The following SET variants were observed in gnomAD, a reference collection of about 807,000 sequenced individuals.
SET encodes the protein protein SET.
In SET, 4 loss-of-function variants were observed where a neutral mutation model predicts 39.0. That is an observed-to-expected ratio of 0.10 (90% confidence interval 0.05 to 0.23). The LOEUF (loss-of-function observed/expected upper bound fraction) is 0.23, where lower values mean the gene tolerates loss of function less well. SET is among the 10% of genes least tolerant of loss of function. SET has a pLI of 1.00. For synonymous variants in SET, 114 were observed against 115.9 expected (o/e 0.98, Z 0.11); for missense variants, 137 against 329.7 (o/e 0.42, Z 4.53).
At chr9:128,691,318 T>C (rs374147207) in intron 2 of SET, 91 bp downstream of exon 2, 5 of 797,984 alleles carry the variant, frequency 6.3e-6, no homozygotes, top group African/African-American at 3.5e-5. Context: ...ATCTATCCAC[T>C]GTCAAAGGGG....
At chr9:128,689,959 G>T (rs1861458628) in intron 1 of SET, 1 of 208,248 alleles carries the variant, frequency 4.8e-6, no homozygotes, top group Non-Finnish European at 6.6e-6. Flanking sequence ...CCTCCCTCCC[G>T]AGAAGCCTCT....
At position 128,696,040 on chromosome 9, in the gene SET, A is replaced by G. The variant is rs552676983; in HGVS notation, c.*1376A>G. 2.2e-5 allele frequency: 5 copies of G among 224,688 alleles called. No individual in the cohort carries two copies. The highest frequency in any genetic ancestry group is 1.1e-4 in the African/African-American group (5 of 45,160). The allele number at this position is 224,688 out of a possible 1,614,324, so 13.9% of individuals were successfully genotyped here. A position where few individuals can be genotyped will look rare whatever the true frequency, so the allele number is the denominator to read the frequency against. On this transcript the variant is annotated 3_prime_UTR_variant, in exon 8 of 8. Coordinates refer to ENST00000322030, the MANE Select transcript of SET (RefSeq NM_003011.4). ...TAACTGTCCCTGCTTTCTGGTATAA[A>G]GCTCTCAAATGTGACCATGTGAATC...
intron 1 of SET, 54 bp downstream of exon 1, chr9:128,689,709 C>A: frequency 2.1e-6 from 1 of 468,796 alleles, no homozygotes; most frequent in Non-Finnish European, 2.8e-6. Context: ...GCCGCCCGCC[C>A]CGGCCCGCAG....
Position 128,696,193 on chromosome 9 carries a change from T to C in SET, c.*1529T>C, listed in dbSNP as rs1861733259. Reference sequence around the variant, plus strand: ...TAAATGCCACTTTTTCAGAGGTGAATTAATGGACAGTCTGGTGAACTTCAA... The same window carrying C: ...TAAATGCCACTTTTTCAGAGGTGAACTAATGGACAGTCTGGTGAACTTCAA... On this transcript the variant is annotated 3_prime_UTR_variant, in exon 8 of 8. Coordinates refer to ENST00000322030, the MANE Select transcript of SET (RefSeq NM_003011.4). The C allele has an allele frequency of 9.5e-6, 2 of 209,766 alleles. No homozygotes were observed. The highest frequency in any genetic ancestry group is 4.5e-5 in the African/African-American group (2 of 44,274). 13.0% of individuals were successfully genotyped at this position (209,766 alleles called of 1,614,324 possible).
chr9:128,694,734 CTTTTT>C lies in SET; in HGVS notation c.*90_*94del, dbSNP rs35778650. ...CCAGTCCCTGGGAGCAAGTTGCAGTCTTTTTTTTTTTTTTTTTTTTTTTTCCCTCT... is the reference window on the plus strand; with the variant it reads ...CCAGTCCCTGGGAGCAAGTTGCAGTCTTTTTTTTTTTTTTTTTTTCCCTCT... On this transcript the variant is annotated 3_prime_UTR_variant, in exon 8 of 8. Transcript: ENST00000322030. 9.1e-3 allele frequency: 2,729 copies of C among 301,318 alleles called. No homozygotes were observed. The highest frequency in any genetic ancestry group is 0.01 in the Non-Finnish European group (1,852 of 185,176). The allele number at this position is 301,318 out of a possible 1,614,324, so 18.7% of individuals were successfully genotyped here.
At chr9:128,685,717 G>A (rs544535254), upstream of SET, among the ~76,000 whole-genome samples, 17 of 152,304 alleles carry the variant, frequency 1.1e-4, no homozygotes, top group African/African-American at 4.1e-4. Flanking sequence ...TCTTTCTGGC[G>A]GTGGGGTTCT....
chr9:128,693,179 C>T (rs573661585), intron 5 of SET, among the ~76,000 whole-genome samples, 198 bp downstream of exon 5: 1 of 152,100 alleles, frequency 6.6e-6, no homozygotes, highest in Non-Finnish European at 1.5e-5. Context: ...GCAGGAAGAT[C>T]TCTTGAGCCT....
chr9:128,692,072 T>C (rs1401954432), intron 3 of SET, 72 bp downstream of exon 3: 2 of 1,553,396 alleles, frequency 1.3e-6, no homozygotes, highest in African/African-American at 1.4e-5. Context: ...GGTGAAGACT[T>C]AGTCCAGCAT....
At chr9:128,691,817 T>G in intron 2 of SET, 41 bp from the exon 3 acceptor site, 1 of 1,572,690 alleles carries the variant, frequency 6.4e-7, no homozygotes, top group South Asian at 1.2e-5. Context: ...TTTAATTTGT[T>G]AAATACTATC....
chr9:128,694,616 A>AT (rs1261896048), intron 7 of SET, 25 bp from the exon 8 acceptor site: 16 of 1,554,226 alleles, frequency 1.0e-5, no homozygotes, highest in Non-Finnish European at 1.1e-5. Flanking sequence ...AATCCTGAAG[A>AT]TTAACTGCCC....
rs1331429016 is a variant in SET at position 128,689,943 on chromosome 9, C to CCCCT, written c.73+300_73+303dup. 5.6e-5 allele frequency: 12 copies of CCCCT among 214,140 alleles called. No homozygotes were observed. In the East Asian group the frequency reaches 1.1e-3, roughly 20 times the overall value. The allele number at this position is 214,140 out of a possible 1,614,324, so 13.3% of individuals were successfully genotyped here. A position where few individuals can be genotyped will look rare whatever the true frequency, so the allele number is the denominator to read the frequency against. The stretch of plus-strand genomic sequence containing the variant: ...CTCTCCCCCCTCCCTCGCTCTCCTC[C>CCCCT]CCCTCCCTCCCTCCCGAGAAGCCTC... On this transcript the variant is annotated intron_variant, in intron 1 of 7. Coordinates refer to ENST00000322030, the MANE Select transcript of SET (RefSeq NM_003011.4).
At chr9:128,687,571 G>GCA (rs1409359472), upstream of SET, among the ~76,000 whole-genome samples, 14 of 143,746 alleles carry the variant, frequency 9.7e-5, no homozygotes, top group Admixed American at 6.6e-4. Flanking sequence ...TGGCACCACT[G>GCA]CACTCCAGCC....
intron 3 of SET, 22 bp downstream of exon 3, chr9:128,692,022 G>A: frequency 5.0e-6 from 8 of 1,612,114 alleles, no homozygotes; most frequent in Non-Finnish European, 6.8e-6. Flanking sequence ...ACAGGGCATT[G>A]TTAAAGGATA....
chr9:128,689,956 C>G (rs1217098500), intron 1 of SET: 1 of 673,582 alleles, frequency 1.5e-6, no homozygotes, highest in Non-Finnish European at 1.8e-6. Flanking sequence ...CTCCCTCCCT[C>G]CCGAGAAGCC....
At chr9:128,685,771 C>T (rs1861261860), upstream of SET, among the ~76,000 whole-genome samples, 1 of 152,162 alleles carries the variant, frequency 6.6e-6, no homozygotes, top group Non-Finnish European at 1.5e-5. Flanking sequence ...GTGGCTGACG[C>T]CTGTAATCCC....
upstream of SET, among the ~76,000 whole-genome samples, chr9:128,684,309 AG>A (rs1423269961): frequency 6.6e-6 from 1 of 151,928 alleles, no homozygotes; most frequent in African/African-American, 2.4e-5. Flanking sequence ...AGCCAGCCTG[AG>A]GCCCCTCCTT....
At chr9:128,685,183 C>G, upstream of SET, 1 of 1,599,694 alleles carries the variant, frequency 6.3e-7, no homozygotes. Context: ...ATGCAGAGAC[C>G]TCCTGCCCAG....
At chr9:128,685,232 CT>C (rs753268594), upstream of SET, 1 of 1,578,796 alleles carries the variant, frequency 6.3e-7, no homozygotes, top group South Asian at 1.1e-5. Context: ...CATAAAACAA[CT>C]TGTGCTTGTT....
Position 128,689,522 on chromosome 9 carries a change from G to C in SET, c.-61G>C. On this transcript the variant is annotated 5_prime_UTR_variant, in exon 1 of 8. Transcript: ENST00000322030. ...TGGCGTGAGGGGAAGCCGCTTGCCC[G>C]CCCCCTTCGCCTTCCCTTCTCTCCC... 2.5e-6 allele frequency: 2 copies of C among 809,554 alleles called. No homozygotes were observed. The highest frequency in any genetic ancestry group is 3.4e-6 in the Non-Finnish European group (2 of 584,158). 50.1% of individuals were successfully genotyped at this position (809,554 alleles called of 1,614,324 possible). A position where few individuals can be genotyped will look rare whatever the true frequency, so the allele number is the denominator to read the frequency against.
Sources: allele counts gnomAD v4.1 joint callset (sites outside exome capture counted in the v4.1 genomes callset), GRCh38; gene constraint gnomAD v4.1.1; transcripts MANE v1.5; gene names NCBI Gene and HGNC (gene_info 2026-07-23, HGNC 2026-07-21).